TTBK2: variants seen among roughly 807,000 people sequenced by gnomAD.
TTBK2 encodes the protein tau-tubulin kinase 2.
Under a neutral mutation model 110.8 loss-of-function variants are expected in TTBK2, and 28 were observed. The ratio of observed to expected loss-of-function variants is 0.25; its 90% confidence interval spans 0.19 to 0.35. The LOEUF (loss-of-function observed/expected upper bound fraction) is 0.35. Among genes scored for constraint, TTBK2 ranks in the 10% least tolerant of loss-of-function variants. TTBK2 has a pLI of 1.00. For missense variants in TTBK2, 1,369 were observed against 1,500.3 expected, an observed-to-expected ratio of 0.91 and a Z score of 1.45; for synonymous variants, 532 against 527.3, an observed-to-expected ratio of 1.01 and a Z score of -0.12.
At chr15:42,871,514 A>G in intron 3 of TTBK2, 1 of 985,368 alleles carries the variant, frequency 1.0e-6, no homozygotes, top group Non-Finnish European at 1.2e-6. Context: ...GCTGATGCTG[A>G]CATACCCTTC....
At chr15:42,834,196 A>T (rs867803467) in intron 4 of TTBK2, among the ~76,000 whole-genome samples, 4 of 124,284 alleles carry the variant, frequency 3.2e-5, no homozygotes, top group Non-Finnish European at 6.5e-5. Context: ...AAAAAAAAAA[A>T]GGGGGGGGGT....
At position 42,752,626 on chromosome 15, in the gene TTBK2, G is replaced by T; in HGVS notation, c.2620C>A (p.Gln874Lys). 6.2e-7 allele frequency: 1 copy of T among 1,613,872 alleles called. No homozygotes were observed. The highest frequency in any genetic ancestry group is 8.5e-7 in the Non-Finnish European group (1 of 1,179,984). Reference protein sequence around the residue: ...EGQIGQVAEMQKNKISKDDDI... With the variant: ...EGQIGQVAEMKKNKISKDDDI... ...TCATCCTTAGATATCTTATTTTTTT[G>T]CATTTCTGCCACTTGGCCTATCTGA... Residue 874 changes from glutamine (Q) to lysine (K), a missense_variant, in exon 14 of 15, where the codon CAA becomes AAA. Transcript: ENST00000267890.
intron 1 of TTBK2, among the ~76,000 whole-genome samples, chr15:42,903,078 G>GT (rs1203667223): frequency 1.3e-5 from 2 of 151,318 alleles, no homozygotes; most frequent in Non-Finnish European, 2.9e-5. Flanking sequence ...CCCAGGCTCT[G>GT]TCGCCCATGA....
intron 3 of TTBK2, among the ~76,000 whole-genome samples, chr15:42,843,758 C>CA (rs57403388): frequency 0.17 from 11,997 of 70,418 alleles, 1,280 homozygotes; most frequent in African/African-American, 0.25. Flanking sequence ...GACTTGGTCT[C>CA]AAAAAAAAAA....
chr15:42,747,804 C>A (rs888131048), intron 14 of TTBK2, among the ~76,000 whole-genome samples: 1 of 152,102 alleles, frequency 6.6e-6, no homozygotes, highest in East Asian at 1.9e-4. Flanking sequence ...AAGGAACAGA[C>A]AAATGAATGG....
chr15:42,845,856 T>C (rs924079622), intron 3 of TTBK2, among the ~76,000 whole-genome samples: 1 of 152,154 alleles, frequency 6.6e-6, no homozygotes, highest in Non-Finnish European at 1.5e-5. Flanking sequence ...TACAGCCTAT[T>C]GCTCCTAGGC....
rs573742159 is a variant in TTBK2, at chr15:42,785,212, G to A, written c.981-1577C>T. Among the ~76,000 whole-genome samples the A allele has an allele frequency of 6.7e-4, 99 of 148,598 alleles. No individual in the cohort carries two copies. In the South Asian group the frequency reaches 0.013, roughly 20 times the overall value. On this transcript the variant is annotated intron_variant, in intron 10 of 14. Coordinates refer to ENST00000267890, the MANE Select transcript of TTBK2 (RefSeq NM_173500.4). Reference sequence around the variant, plus strand: ...TCTGCTCACTGCAACCTCCGCCCCCGGGGTTCAAGCGATTCTCCTGCCTCG... The same window carrying A: ...TCTGCTCACTGCAACCTCCGCCCCCAGGGTTCAAGCGATTCTCCTGCCTCG...
chr15:42,912,675 C>T (rs185098077), intron 1 of TTBK2, among the ~76,000 whole-genome samples: 52 of 151,632 alleles, frequency 3.4e-4, no homozygotes, highest in Middle Eastern at 3.4e-3. Flanking sequence ...TGCAAGATCG[C>T]GCCATTGCAC....
chr15:42,897,936 T>C (rs2141181215), intron 1 of TTBK2, among the ~76,000 whole-genome samples: 1 of 151,580 alleles, frequency 6.6e-6, no homozygotes, highest in South Asian at 2.1e-4. Flanking sequence ...ATGGCAGTAA[T>C]CCTAGCACTT....
At chr15:42,773,970 C>T (rs1313881192) in intron 13 of TTBK2, among the ~76,000 whole-genome samples, 1 of 152,138 alleles carries the variant, frequency 6.6e-6, no homozygotes, top group Non-Finnish European at 1.5e-5. Context: ...TGTTTCCTGG[C>T]TAGATTCCTT....
At chr15:42,763,548 G>C (rs1426975931) in intron 13 of TTBK2, among the ~76,000 whole-genome samples, 3 of 151,804 alleles carry the variant, frequency 2.0e-5, no homozygotes, top group Non-Finnish European at 2.9e-5. Flanking sequence ...TAGAAGAAAG[G>C]ATATCGAATG....
intron 13 of TTBK2, among the ~76,000 whole-genome samples, chr15:42,763,333 C>T (rs569536820): frequency 6.9e-6 from 1 of 144,518 alleles, no homozygotes; most frequent in East Asian, 2.1e-4. Context: ...CCTGCCTCAG[C>T]CTCCCAAGTA....
intron 7 of TTBK2, 36 bp downstream of exon 7, chr15:42,816,996 T>C (rs1181953926): frequency 6.7e-7 from 1 of 1,499,150 alleles, no homozygotes; most frequent in Admixed American, 1.8e-5. Flanking sequence ...GCTATTAGCA[T>C]ACTTATACAG....
chr15:42,801,634 G>A (rs757226578), intron 9 of TTBK2: 16 of 829,214 alleles, frequency 1.9e-5, no homozygotes, highest in Non-Finnish European at 2.8e-5. Flanking sequence ...TGACCTCAGG[G>A]ATGATGCTGT....
chr15:42,902,986 C>CAAA (rs34312217), intron 1 of TTBK2, among the ~76,000 whole-genome samples: 2 of 71,338 alleles, frequency 2.8e-5, no homozygotes, highest in South Asian at 4.1e-4. Flanking sequence ...CTCTGTTTCT[C>CAAA]AAAAAAAAAA....
At chr15:42,845,588 C>T (rs1199803235) in intron 3 of TTBK2, among the ~76,000 whole-genome samples, 2 of 136,754 alleles carry the variant, frequency 1.5e-5, no homozygotes, top group Non-Finnish European at 3.0e-5. Context: ...GGGCCGAGAT[C>T]GCACAATTGC....
At chr15:42,879,574 A>G (rs933298695) in intron 1 of TTBK2, among the ~76,000 whole-genome samples, 2 of 152,108 alleles carry the variant, frequency 1.3e-5, no homozygotes, top group Non-Finnish European at 2.9e-5. Context: ...CTGCCACTGC[A>G]GCACAAAAGC....
At chr15:42,823,716 T>TA (rs201448762) in intron 6 of TTBK2, among the ~76,000 whole-genome samples, 3,128 of 151,316 alleles carry the variant, frequency 0.021, 105 homozygotes, top group African/African-American at 0.072. Context: ...CAAACTTTCC[T>TA]AAACATTATT....
intron 13 of TTBK2, among the ~76,000 whole-genome samples, chr15:42,763,143 C>CATATATATATATACATAT (rs1356801885): frequency 1.8e-4 from 9 of 51,168 alleles, no homozygotes; most frequent in African/African-American, 3.2e-4. Context: ...TATATACATA[C>CATATATATATATACATAT]ATATATATAT....
Sources: allele counts gnomAD v4.1 joint callset (sites outside exome capture counted in the v4.1 genomes callset), GRCh38; gene constraint gnomAD v4.1.1; transcripts MANE v1.5; gene names NCBI Gene and HGNC (gene_info 2026-07-23, HGNC 2026-07-21).